The following EPC1 variants were observed in gnomAD, a reference collection of about 807,000 sequenced individuals.
EPC1 encodes enhancer of polycomb 1.
Under a neutral mutation model 98.4 loss-of-function variants are expected in EPC1, and 12 were observed. That is an observed-to-expected ratio of 0.12 (90% CI 0.08 to 0.20). The LOEUF is 0.20. Ranked by LOEUF, EPC1 falls within the 10% of genes least tolerant of loss-of-function variation. EPC1 has a pLI of 1.00. For synonymous variants in EPC1, 357 were observed against 363.9 expected (o/e 0.98, Z 0.21); for missense variants, 729 against 990.5 (o/e 0.74, Z 3.54).
At chr10:32,295,986 C>T (rs1285945671) in intron 2 of EPC1, among the ~76,000 whole-genome samples, 5 of 150,988 alleles carry the variant, frequency 3.3e-5, no homozygotes, top group Non-Finnish European at 7.4e-5. Context: ...TGCAGTGGGG[C>T]GATCTCGGCT....
intron 1 of EPC1, among the ~76,000 whole-genome samples, chr10:32,371,913 AC>A (rs1438770003): frequency 9.6e-6 from 1 of 104,240 alleles, no homozygotes; most frequent in African/African-American, 2.6e-5. Context: ...AAAAAATAAA[AC>A]AAAAAGATTC....
At chr10:32,334,205 G>GC (rs1837813512) in intron 1 of EPC1, among the ~76,000 whole-genome samples, 1 of 152,036 alleles carries the variant, frequency 6.6e-6, no homozygotes, top group Non-Finnish European at 1.5e-5. Flanking sequence ...CTTGGCACCC[G>GC]CCCCCCGCTT....
intron 6 of EPC1, among the ~76,000 whole-genome samples, chr10:32,290,711 T>C (rs1354273611): frequency 6.6e-6 from 1 of 151,988 alleles, no homozygotes; most frequent in African/African-American, 2.4e-5. Context: ...ACTTCTGCTT[T>C]TCTTCATATT....
chr10:32,279,275 T>C (rs991979395), intron 10 of EPC1, among the ~76,000 whole-genome samples: 1 of 150,358 alleles, frequency 6.7e-6, no homozygotes, highest in Non-Finnish European at 1.5e-5. Flanking sequence ...CTGAACCCGG[T>C]AGGCGGAGGT....
intron 1 of EPC1, among the ~76,000 whole-genome samples, chr10:32,330,743 T>C (rs945961548): frequency 1.3e-5 from 2 of 152,174 alleles, no homozygotes; most frequent in Non-Finnish European, 2.9e-5. Flanking sequence ...GGTTTCTTGC[T>C]AATGATACAA....
chr10:32,300,798 T>G (rs1399014378), intron 2 of EPC1, among the ~76,000 whole-genome samples: 1 of 152,138 alleles, frequency 6.6e-6, no homozygotes, highest in East Asian at 1.9e-4. Context: ...TGTCCCAGAA[T>G]TAGCCAGCGG....
At chr10:32,319,465 T>A (rs1335949795) in intron 1 of EPC1, among the ~76,000 whole-genome samples, 1 of 152,102 alleles carries the variant, frequency 6.6e-6, no homozygotes, top group Non-Finnish European at 1.5e-5. Flanking sequence ...AAAATTACCA[T>A]TACCAGTGAG....
intron 1 of EPC1, among the ~76,000 whole-genome samples, chr10:32,326,608 G>C (rs934644532): frequency 6.6e-6 from 1 of 152,162 alleles, no homozygotes; most frequent in African/African-American, 2.4e-5. Flanking sequence ...TATGCCACTG[G>C]CTTGAAGGCC....
At chr10:32,376,302 T>C (rs965095631) in intron 1 of EPC1, among the ~76,000 whole-genome samples, 4 of 152,058 alleles carry the variant, frequency 2.6e-5, no homozygotes, top group African/African-American at 9.6e-5. Context: ...ACATGTTTAG[T>C]TTTCAGAGAT....
intron 1 of EPC1, among the ~76,000 whole-genome samples, chr10:32,342,608 T>C (rs1838436121): frequency 6.6e-6 from 1 of 152,200 alleles, no homozygotes; most frequent in Non-Finnish European, 1.5e-5. Flanking sequence ...ATCCTACTTG[T>C]AACAGTTTCA....
intron 9 of EPC1, chr10:32,286,095 T>C (rs1426433274): frequency 2.0e-5 from 3 of 152,238 alleles, no homozygotes; most frequent in Non-Finnish European, 4.4e-5. Context: ...TTATTTGCTT[T>C]CCCTTTTAAT....
intron 1 of EPC1, among the ~76,000 whole-genome samples, chr10:32,332,213 A>G (rs1349498642): frequency 1.3e-5 from 2 of 152,252 alleles, no homozygotes; most frequent in Non-Finnish European, 2.9e-5. Flanking sequence ...GCTTCATAAC[A>G]GTTGACAGCA....
Position 32,293,634 on chromosome 10 carries a change from A to C in EPC1, c.417T>G (p.Phe139Leu), listed in dbSNP as rs1247915321. 6.2e-7 allele frequency: 1 copy of C among 1,613,664 alleles called. No homozygotes were observed. The highest frequency in any genetic ancestry group is 8.5e-7 in the Non-Finnish European group (1 of 1,179,856). The change falls in exon 3 of 14, where the codon TTT becomes TTG. Residue 139 changes from phenylalanine (F) to leucine (L), a missense_variant. This residue lies in a region of EPC1 where 94 missense variants were observed against 125.1 expected (regional missense o/e 0.75). Transcript: ENST00000319778. ...KKKMDICPLQ[F>L]EEMIDRLEKG... ...TTTCTAGGCGGTCAATCATCTCCTC[A>C]AATTGCAATGGGCAGATGTCCATTT... is the stretch of plus-strand genomic sequence containing the variant.
rs558489445 is a variant in EPC1, at chr10:32,305,108, G to A, written c.313+664C>T. 7.2e-5 allele frequency among the ~76,000 whole-genome samples: 11 copies of A among 152,238 alleles called. No individual in the cohort carries two copies. The South Asian group carries it at 8.3e-4, about 11-fold the overall frequency. Reference sequence around the variant, plus strand: ...ACCAAATGTCACACAGTTATCAAACGATCACTGCTTATGAAGAACCTATCA... The same window carrying A: ...ACCAAATGTCACACAGTTATCAAACAATCACTGCTTATGAAGAACCTATCA... On this transcript the variant is annotated intron_variant, in intron 2 of 13. Transcript: ENST00000319778.
At chr10:32,330,324 G>A (rs1053849746) in intron 1 of EPC1, among the ~76,000 whole-genome samples, 3 of 152,164 alleles carry the variant, frequency 2.0e-5, no homozygotes, top group Admixed American at 2.0e-4. Context: ...TTAAACTTTT[G>A]CTAGCCTGTC....
chr10:32,314,836 A>C (rs774694341), intron 1 of EPC1, among the ~76,000 whole-genome samples: 1 of 152,248 alleles, frequency 6.6e-6, no homozygotes, highest in Non-Finnish European at 1.5e-5. Flanking sequence ...CTCTGTTCAC[A>C]TGGGTGGGTA....
At chr10:32,342,213 T>C (rs1003303918) in intron 1 of EPC1, among the ~76,000 whole-genome samples, 4 of 152,248 alleles carry the variant, frequency 2.6e-5, no homozygotes, top group Non-Finnish European at 4.4e-5. Context: ...TTCTCTTCAC[T>C]TCCAAGAGAG....
intron 1 of EPC1, among the ~76,000 whole-genome samples, chr10:32,329,668 T>C (rs1837524390): frequency 6.6e-6 from 1 of 152,180 alleles, no homozygotes; most frequent in Non-Finnish European, 1.5e-5. Flanking sequence ...AGCTCTGGGA[T>C]AGACTAAACT....
intron 1 of EPC1, among the ~76,000 whole-genome samples, chr10:32,336,784 A>C (rs1056471703): frequency 1.3e-5 from 2 of 152,206 alleles, no homozygotes; most frequent in East Asian, 1.9e-4. Context: ...ATTAGTAACC[A>C]ATATCTCCAT....
Sources: allele counts gnomAD v4.1 joint callset (sites outside exome capture counted in the v4.1 genomes callset), GRCh38; gene constraint gnomAD v4.1.1; regional missense constraint gnomAD v4.1.1; transcripts MANE v1.5; gene names NCBI Gene and HGNC (gene_info 2026-07-23, HGNC 2026-07-21).